DNAH6: variants seen among roughly 807,000 people sequenced by gnomAD.
DNAH6 encodes dynein axonemal heavy chain 6.
Under a neutral mutation model 491.4 loss-of-function variants are expected in DNAH6, and 340 were observed. The ratio of observed to expected loss-of-function variants is 0.69; its 90% CI spans 0.63 to 0.76. DNAH6 has a LOEUF of 0.76. Ranked by LOEUF, DNAH6 falls within the 30% of genes least tolerant of loss-of-function variation. The pLI is 0.00. For synonymous variants in DNAH6, 1,603 were observed against 1,686.1 expected, an observed-to-expected ratio of 0.95 and a Z score of 1.21; for missense variants, 4,443 against 4,972.2, an observed-to-expected ratio of 0.89 and a Z score of 3.20.
chr2:84,799,119 C>T (rs1678635516), intron 70 of DNAH6, among the ~76,000 whole-genome samples: 1 of 152,074 alleles, frequency 6.6e-6, no homozygotes, highest in African/African-American at 2.4e-5. Flanking sequence ...TCCCAAGTAG[C>T]TGGGATTACA....
intron 29 of DNAH6, among the ~76,000 whole-genome samples, chr2:84,626,530 A>T (rs1687871534): frequency 6.6e-6 from 1 of 152,136 alleles, no homozygotes; most frequent in Admixed American, 6.5e-5. Context: ...TTCAAAGTAA[A>T]CATCCTAAGC....
chr2:84,650,447 AT>A (rs1690343400), intron 33 of DNAH6, among the ~76,000 whole-genome samples: 1 of 148,820 alleles, frequency 6.7e-6, no homozygotes, highest in Non-Finnish European at 1.5e-5. Context: ...CCATCTATTG[AT>A]TTTTTTGTTA....
intron 9 of DNAH6, among the ~76,000 whole-genome samples, chr2:84,551,800 C>A (rs2104561767): frequency 6.6e-6 from 1 of 152,320 alleles, no homozygotes; most frequent in East Asian, 1.9e-4. Flanking sequence ...GTAATCCCAG[C>A]ACTTTGGGAG....
At chr2:84,543,822 T>A (rs905807328) in intron 4 of DNAH6, among the ~76,000 whole-genome samples, 2 of 152,206 alleles carry the variant, frequency 1.3e-5, no homozygotes, top group Admixed American at 6.5e-5. Context: ...CTAATTAATG[T>A]TTCCTTTTAT....
chr2:84,503,839 T>G, the DNAH6 span, among the ~76,000 whole-genome samples: 1 of 152,168 alleles, frequency 6.6e-6, no homozygotes, highest in Non-Finnish European at 1.5e-5. Flanking sequence ...TTCTTTATCC[T>G]TGACCTTTGG....
rs1027371308 is a variant in DNAH6, at chr2:84,715,472, G to A, written c.9544-88G>A. 12 of 1,243,106 alleles carry A rather than the reference G, an allele frequency of 9.7e-6. No homozygotes were observed. The South Asian group carries it at 1.5e-4, about 15-fold the overall frequency. 77.0% of individuals were successfully genotyped at this position (1,243,106 alleles called of 1,614,324 possible). On this transcript the variant is annotated intron_variant, in intron 57 of 76. Transcript: ENST00000389394. ...AATTAGACCTGAGATACATCCGCCT[G>A]GGTAGTAATGAGCTGTGTTCTAATA...
chr2:84,702,048 G>A (rs1217186105), intron 49 of DNAH6, among the ~76,000 whole-genome samples: 1 of 152,172 alleles, frequency 6.6e-6, no homozygotes, highest in Non-Finnish European at 1.5e-5. Context: ...CAGTGAACTG[G>A]TCATCTCTAT....
At position 84,697,643 on chromosome 2, in the gene DNAH6, T is replaced by G; in HGVS notation, c.7593T>G (p.Phe2531Leu). 1 of 1,552,046 alleles carries G rather than the reference T, an allele frequency of 6.4e-7. No homozygotes were observed. The highest frequency in any genetic ancestry group is 8.7e-7 in the Non-Finnish European group (1 of 1,147,034). Residue 2531 changes from phenylalanine (F) to leucine (L), a missense_variant, in exon 47 of 77, where the codon TTT becomes TTG. Phe to Leu is a conservative substitution (Grantham distance 22). Around this residue, in one of 3 missense-constraint regions of DNAH6, gnomAD observed 2,977 missense variants for 3,296.6 expected, o/e 0.90. Transcript: ENST00000389394. ...ACTCAGGTGAAGTGCCTAATTTATT[T>G]GAAAAGGATGAACTGGAGCAGGTTT... ...ILNSGEVPNL[F>L]EKDELEQVLA...
chr2:84,605,942 T>C (rs4146946), intron 20 of DNAH6, among the ~76,000 whole-genome samples: 1 of 151,992 alleles, frequency 6.6e-6, no homozygotes, highest in Non-Finnish European at 1.5e-5. Context: ...TTTGAAAGAC[T>C]TAGAAAAAAA....
At chr2:84,561,918 A>G (rs923755341) in intron 11 of DNAH6, among the ~76,000 whole-genome samples, 1 of 152,170 alleles carries the variant, frequency 6.6e-6, no homozygotes, top group South Asian at 2.1e-4. Context: ...GATGAGTTTC[A>G]TCTAGCTAAG....
At chr2:84,688,298 T>C (rs1295471550) in intron 44 of DNAH6, 141 bp from the exon 45 acceptor site, 1 of 619,876 alleles carries the variant, frequency 1.6e-6, no homozygotes, top group East Asian at 3.4e-5. Context: ...CAAAACCCTA[T>C]TTCTGAGCTC....
intron 35 of DNAH6, among the ~76,000 whole-genome samples, chr2:84,656,710 G>A (rs62164303): frequency 6.6e-6 from 1 of 151,764 alleles, no homozygotes; most frequent in African/African-American, 2.4e-5. Context: ...TATATCTTTT[G>A]CAAATATTTT....
chr2:84,787,782 A>T (rs1677348304), intron 68 of DNAH6, among the ~76,000 whole-genome samples: 1 of 152,210 alleles, frequency 6.6e-6, no homozygotes, highest in South Asian at 2.1e-4. Flanking sequence ...AGACCTGTTA[A>T]TTCAGATATA....
rs200096102 is a variant in DNAH6 at position 84,677,159 on chromosome 2, G to C, written c.6744+23G>C. 2.3e-3 allele frequency: 3,589 copies of C among 1,551,414 alleles called. 7 individuals are homozygous for C. Among genetic ancestry groups the C allele is most frequent in the Non-Finnish European group, 2.9e-3 (3,341 of 1,146,760 alleles). On this transcript the variant is annotated intron_variant, in intron 41 of 76. Coordinates refer to ENST00000389394, the MANE Select transcript of DNAH6 (RefSeq NM_001370.2). ...CAGGTGAGTGTCGATTTTAACTTAG[G>C]CAACAGGAGGAAAAGAAAGCATATT... is the stretch of plus-strand genomic sequence containing the variant.
chr2:84,654,346 C>T (rs573635077), intron 34 of DNAH6, among the ~76,000 whole-genome samples: 4 of 152,054 alleles, frequency 2.6e-5, no homozygotes, highest in African/African-American at 9.6e-5. Flanking sequence ...CTAGTATGTG[C>T]TAGGGATTCT....
chr2:84,467,775 C>G, the DNAH6 span, among the ~76,000 whole-genome samples: 17 of 152,134 alleles, frequency 1.1e-4, no homozygotes, highest in Non-Finnish European at 2.5e-4. Flanking sequence ...TATATAAAAT[C>G]TCTCTATTTA....
intron 11 of DNAH6, among the ~76,000 whole-genome samples, chr2:84,572,465 A>G (rs1681994174): frequency 6.6e-6 from 1 of 152,346 alleles, no homozygotes; most frequent in South Asian, 2.1e-4. Flanking sequence ...GAGAGATACT[A>G]TTTAGTCCGT....
Position 84,645,499 on chromosome 2 carries a change from A to G in DNAH6, c.5078+3445A>G, listed in dbSNP as rs938884546. On this transcript the variant is annotated intron_variant, in intron 33 of 76. Coordinates refer to ENST00000389394, the MANE Select transcript of DNAH6 (RefSeq NM_001370.2). The stretch of plus-strand genomic sequence containing the variant: ...TTGTGGTTTTGATTTGCATTTCTCT[A>G]TTGATCAGTAATGTTGAGCTTTTTT... Among the ~76,000 whole-genome samples, 13 of 151,768 alleles carry G rather than the reference A, an allele frequency of 8.6e-5. No homozygotes were observed. The South Asian group carries it at 1.9e-3, about 22-fold the overall frequency.
chr2:84,527,058 G>A (rs1676667471), intron 3 of DNAH6, among the ~76,000 whole-genome samples: 1 of 151,980 alleles, frequency 6.6e-6, no homozygotes, highest in African/African-American at 2.4e-5. Context: ...AATAAGAAAG[G>A]TATTTATTCT....
Sources: allele counts gnomAD v4.1 joint callset (sites outside exome capture counted in the v4.1 genomes callset), GRCh38; gene constraint gnomAD v4.1.1; regional missense constraint gnomAD v4.1.1; transcripts MANE v1.5; gene names NCBI Gene and HGNC (gene_info 2026-07-23, HGNC 2026-07-21).